The following STX8 variants were observed in gnomAD, a reference collection of about 807,000 sequenced individuals.
STX8 encodes the protein syntaxin 8.
A neutral mutation model predicts 37.5 loss-of-function variants in STX8; 23 were observed. That is an observed-to-expected ratio of 0.61 (90% CI 0.44 to 0.87). The LOEUF is 0.87. STX8 is among the 40% of genes least tolerant of loss of function. The pLI, the probability that STX8 is intolerant of heterozygous loss-of-function variation, is 0.00. For synonymous variants in STX8, 115 were observed against 99.1 expected (o/e 1.16, Z -0.95); for missense variants, 313 against 284.7 (o/e 1.10, Z -0.71).
Position 9,440,814 on chromosome 17 carries a change from C to T in STX8, c.541+51015G>A, listed in dbSNP as rs143602174. 2.2e-3 allele frequency among the ~76,000 whole-genome samples: 340 copies of T among 151,852 alleles called. 4 individuals carry two copies. The highest frequency in any genetic ancestry group is 7.8e-3 in the African/African-American group (322 of 41,168). On this transcript the variant is annotated intron_variant, in intron 6 of 7. Transcript: ENST00000306357. Reference sequence around the variant, plus strand: ...TGCTGGGATTACAGGCGTGAGCCACCGCATCCAGCCTGATTTTTTTTTAAA... The same window carrying T: ...TGCTGGGATTACAGGCGTGAGCCACTGCATCCAGCCTGATTTTTTTTTAAA...
chr17:9,415,790 T>A (rs955174427), intron 6 of STX8, among the ~76,000 whole-genome samples: 8 of 152,080 alleles, frequency 5.3e-5, no homozygotes, highest in Admixed American at 1.3e-4. Flanking sequence ...CAAAAAGCAA[T>A]GGCTTTTCTT....
intron 4 of STX8, among the ~76,000 whole-genome samples, chr17:9,523,819 A>G (rs1281925239): frequency 6.6e-6 from 1 of 152,234 alleles, no homozygotes; most frequent in Non-Finnish European, 1.5e-5. Flanking sequence ...TGCCACCATC[A>G]ATAATATTAA....
At chr17:9,352,412 T>A (rs1567794613) in intron 7 of STX8, among the ~76,000 whole-genome samples, 1 of 151,938 alleles carries the variant, frequency 6.6e-6, no homozygotes, top group Non-Finnish European at 1.5e-5. Flanking sequence ...TTTTATCTTT[T>A]TTTTTTAATA....
intron 7 of STX8, among the ~76,000 whole-genome samples, chr17:9,315,185 C>A (rs1464191675): frequency 6.6e-6 from 1 of 151,538 alleles, no homozygotes; most frequent in Non-Finnish European, 1.5e-5. Flanking sequence ...CAAAAAAAAC[C>A]TGAGTTCCTG....
chr17:9,366,447 G>C (rs1365728321), intron 7 of STX8, among the ~76,000 whole-genome samples: 1 of 152,144 alleles, frequency 6.6e-6, no homozygotes, highest in Non-Finnish European at 1.5e-5. Context: ...GGCCAGGCTG[G>C]TCTTGAACTC....
intron 6 of STX8, among the ~76,000 whole-genome samples, chr17:9,409,709 A>G (rs989106570): frequency 2.0e-5 from 3 of 152,172 alleles, no homozygotes; most frequent in African/African-American, 7.2e-5. Flanking sequence ...GGCAAAAACC[A>G]TATTTACATG....
At chr17:9,494,870 C>T (rs1347048885) in intron 5 of STX8, among the ~76,000 whole-genome samples, 1 of 151,936 alleles carries the variant, frequency 6.6e-6, no homozygotes, top group Non-Finnish European at 1.5e-5. Context: ...ATTTCAGGTG[C>T]TTTGAGAACA....
At chr17:9,378,478 C>CAAACAGGAAACTCAGAGCAGAT in intron 7 of STX8, 74 bp downstream of exon 7, 1 of 1,352,434 alleles carries the variant, frequency 7.4e-7, no homozygotes, top group South Asian at 1.2e-5. Flanking sequence ...AGTAATTAGA[C>CAAACAGGAAACTCAGAGCAGAT]AAACAGGAAA....
intron 2 of STX8, 136 bp from the exon 3 acceptor site, chr17:9,557,664 C>A (rs1027933886): frequency 5.5e-6 from 4 of 721,984 alleles, no homozygotes; most frequent in South Asian, 1.7e-5. Context: ...CAGCCCCTCA[C>A]GACAAACTCA....
At chr17:9,460,487 A>G (rs961990537) in intron 6 of STX8, among the ~76,000 whole-genome samples, 5 of 152,140 alleles carry the variant, frequency 3.3e-5, no homozygotes, top group South Asian at 2.1e-4. Flanking sequence ...AGCTTGGCCA[A>G]CATGGCAAAA....
intron 7 of STX8, among the ~76,000 whole-genome samples, chr17:9,367,715 G>C (rs138272430): frequency 7.5e-4 from 114 of 152,266 alleles, no homozygotes; most frequent in African/African-American, 2.6e-3. Context: ...ATAGCATAAT[G>C]TTAAAAAACA....
rs552030973 is a variant in STX8, at chr17:9,518,519, C to T, written c.324-13357G>A. On this transcript the variant is annotated intron_variant, in intron 4 of 7. Coordinates refer to ENST00000306357, the MANE Select transcript of STX8 (RefSeq NM_004853.3). ...ATTCGACTTAGATCTGCTCCTCTCACGGTATTGTGTTTCTCTGGGCAAGTC... is the reference window on the plus strand; with the variant it reads ...ATTCGACTTAGATCTGCTCCTCTCATGGTATTGTGTTTCTCTGGGCAAGTC... Among the ~76,000 whole-genome samples the T allele has an allele frequency of 7.6e-4, 115 of 152,286 alleles. 1 individual carries two copies. Among genetic ancestry groups the T allele is most frequent in the African/African-American group, 2.2e-3 (92 of 41,558 alleles).
At chr17:9,307,379 A>C (rs1909037076) in intron 7 of STX8, among the ~76,000 whole-genome samples, 1 of 152,090 alleles carries the variant, frequency 6.6e-6, no homozygotes, top group Non-Finnish European at 1.5e-5. Context: ...ATGGGGCAAC[A>C]CCTGGGCTCT....
intron 4 of STX8, among the ~76,000 whole-genome samples, chr17:9,543,987 T>C (rs1225462874): frequency 6.6e-6 from 1 of 152,172 alleles, no homozygotes; most frequent in African/African-American, 2.4e-5. Context: ...GTTTGCAATC[T>C]GGGTTGTATA....
At position 9,379,752 on chromosome 17, in the gene STX8, T is replaced by G. The variant is rs1028395266; in HGVS notation, c.542-1099A>C. ...GGGAGGCCGAGGCAGGAGGATCACC[T>G]GAGGTTGGGAGTTCGAGACCAGCCT... On this transcript the variant is annotated intron_variant, in intron 6 of 7. Coordinates refer to ENST00000306357, the MANE Select transcript of STX8 (RefSeq NM_004853.3). 2.0e-5 allele frequency among the ~76,000 whole-genome samples: 3 copies of G among 152,218 alleles called. No homozygotes were observed. The East Asian group carries it at 5.8e-4, about 29-fold the overall frequency.
intron 1 of STX8, among the ~76,000 whole-genome samples, chr17:9,572,498 C>T (rs917929019): frequency 2.0e-5 from 3 of 152,218 alleles, no homozygotes; most frequent in Admixed American, 6.5e-5. Context: ...CAACCTCCAC[C>T]TCCTGGGTTC....
chr17:9,425,334 T>C (rs529563371), intron 6 of STX8, among the ~76,000 whole-genome samples: 1 of 152,316 alleles, frequency 6.6e-6, no homozygotes, highest in South Asian at 2.1e-4. Context: ...TTATCACACA[T>C]GCTCCTGTCC....
At chr17:9,434,695 G>A (rs1028998279) in intron 6 of STX8, among the ~76,000 whole-genome samples, 13 of 152,190 alleles carry the variant, frequency 8.5e-5, no homozygotes, top group African/African-American at 2.7e-4. Context: ...AGAGGTGAGC[G>A]GCAGTGTGCA....
rs1907599237 is a variant in STX8 at position 9,274,680 on chromosome 17, AT to A, written c.644-24036del. On this transcript the variant is annotated intron_variant, in intron 7 of 7. Transcript: ENST00000306357. ...AACAGTGTGAGACTCTGTCTCAAAA[AT>A]AATAATAATAATAATAATAATAATA... Among the ~76,000 whole-genome samples, 4 of 118,168 alleles carry A rather than the reference AT, an allele frequency of 3.4e-5. 1 individual carries two copies. The highest frequency in any genetic ancestry group is 1.2e-4 in the African/African-American group (4 of 32,562). 77.5% of individuals were successfully genotyped at this position (118,168 alleles called of 152,430 possible).
Sources: gnomAD v4.1 joint callset for allele counts (sites outside exome capture counted in the v4.1 genomes callset) on GRCh38, gnomAD v4.1.1 for gene constraint, MANE v1.5 for transcripts, NCBI Gene and HGNC (gene_info 2026-07-23, HGNC 2026-07-21) for gene names.